The following HTR2A variants were observed in gnomAD, a reference collection of about 807,000 sequenced individuals.
HTR2A encodes 5-hydroxytryptamine receptor 2A.
A neutral mutation model predicts 31.0 loss-of-function variants in HTR2A; 14 were observed. The ratio of observed to expected loss-of-function variants is 0.45; its 90% confidence interval spans 0.30 to 0.71. HTR2A has a LOEUF of 0.71. HTR2A is among the 30% of genes least tolerant of loss of function. The pLI, the probability that HTR2A is intolerant of heterozygous loss-of-function variation, is 0.09. For synonymous variants in HTR2A, 209 were observed against 225.2 expected, an observed-to-expected ratio of 0.93 and a Z score of 0.64; for missense variants, 442 against 573.3, an observed-to-expected ratio of 0.77 and a Z score of 2.34.
At chr13:46,874,607 A>G (rs983879985) in intron 3 of HTR2A, among the ~76,000 whole-genome samples, 3 of 152,254 alleles carry the variant, frequency 2.0e-5, no homozygotes, top group African/African-American at 7.2e-5. Context: ...CATTGTATCT[A>G]GGAAGCATGT....
intron 3 of HTR2A, among the ~76,000 whole-genome samples, chr13:46,858,249 A>G (rs185085180): frequency 9.8e-5 from 15 of 152,286 alleles, no homozygotes; most frequent in Admixed American, 8.5e-4. Context: ...ATAGCCAAGC[A>G]GAGCTGCTTG....
chr13:46,847,821 C>A (rs971192096), intron 3 of HTR2A, among the ~76,000 whole-genome samples: 1 of 152,072 alleles, frequency 6.6e-6, no homozygotes, highest in Non-Finnish European at 1.5e-5. Context: ...CTCTGGGATT[C>A]GGATAAAAAT....
rs1555298355 is a variant in HTR2A at position 46,863,657 on chromosome 13, A to AAAAG, written c.614-28019_614-28018insCTTT. 9.8e-4 allele frequency among the ~76,000 whole-genome samples: 116 copies of AAAAG among 118,156 alleles called. 9 individuals are homozygous for AAAAG. Among genetic ancestry groups the AAAAG allele is most frequent in the Middle Eastern group, 4.5e-3 (1 of 224 alleles). The allele number at this position is 118,156 out of a possible 152,430, so 77.5% of individuals were successfully genotyped here. ...AAAAAAAAAAAAAAAAAAGAAAAAA[A>AAAAG]AAAAAGACAGTCATATGAAAAAAGC... On this transcript the variant is annotated intron_variant, in intron 3 of 3. Coordinates refer to ENST00000542664, the MANE Select transcript of HTR2A (RefSeq NM_000621.5).
rs548830784 is a variant in HTR2A, at chr13:46,890,283, C to T, written c.613+2107G>A. 7.2e-5 allele frequency among the ~76,000 whole-genome samples: 11 copies of T among 152,322 alleles called. No individual in the cohort carries two copies. The South Asian group carries it at 1.2e-3, about 17-fold the overall frequency. On this transcript the variant is annotated intron_variant, in intron 3 of 3. Coordinates refer to ENST00000542664, the MANE Select transcript of HTR2A (RefSeq NM_000621.5). ...GCTTGAATGCGGGAGGCGGAGGTTG[C>T]GGTGAGCCAAGATAGCACCATTGCA...
At chr13:46,888,108 C>G (rs1593444965) in intron 3 of HTR2A, among the ~76,000 whole-genome samples, 1 of 150,538 alleles carries the variant, frequency 6.6e-6, no homozygotes, top group East Asian at 1.9e-4. Flanking sequence ...TGTAGAAGTG[C>G]TTGAGTTATA....
chr13:46,866,674 C>G (rs1269854181), intron 3 of HTR2A, among the ~76,000 whole-genome samples: 1 of 152,188 alleles, frequency 6.6e-6, no homozygotes, highest in East Asian at 1.9e-4. Context: ...ATGGAATTTA[C>G]ATTTTCAGCA....
intron 3 of HTR2A, among the ~76,000 whole-genome samples, chr13:46,884,740 A>G (rs1312753665): frequency 2.0e-5 from 3 of 152,194 alleles, no homozygotes; most frequent in Admixed American, 2.0e-4. Context: ...CAATCCTGCC[A>G]TTCTTTCTAA....
intron 3 of HTR2A, among the ~76,000 whole-genome samples, chr13:46,869,405 T>C (rs557276956): frequency 9.1e-4 from 138 of 152,144 alleles, no homozygotes; most frequent in Non-Finnish European, 1.8e-3. Flanking sequence ...CATACTATGA[T>C]GGCTATAACA....
chr13:46,881,812 C>A (rs1950966279), intron 3 of HTR2A, among the ~76,000 whole-genome samples: 1 of 152,150 alleles, frequency 6.6e-6, no homozygotes, highest in Non-Finnish European at 1.5e-5. Context: ...GGCTGTGGGG[C>A]TGGGAATGTC....
chr13:46,893,259 G>A (rs1484858027), intron 2 of HTR2A, among the ~76,000 whole-genome samples: 1 of 152,162 alleles, frequency 6.6e-6, no homozygotes, highest in Non-Finnish European at 1.5e-5. Context: ...TTTGTTTTAG[G>A]GAGGCATTTC....
intron 3 of HTR2A, among the ~76,000 whole-genome samples, chr13:46,865,983 A>G (rs982518328): frequency 1.3e-5 from 2 of 152,138 alleles, no homozygotes; most frequent in Non-Finnish European, 2.9e-5. Flanking sequence ...CTCTCCAGCC[A>G]TCTCATGAGA....
chr13:46,839,835 C>G (rs141577620), intron 3 of HTR2A, among the ~76,000 whole-genome samples: 1 of 152,164 alleles, frequency 6.6e-6, no homozygotes, highest in African/African-American at 2.4e-5. Flanking sequence ...AAACTTTGCA[C>G]CTCTAGTTAA....
At chr13:46,852,488 G>A (rs961929788) in intron 3 of HTR2A, among the ~76,000 whole-genome samples, 2 of 152,240 alleles carry the variant, frequency 1.3e-5, no homozygotes, top group African/African-American at 4.8e-5. Flanking sequence ...TGTGTTTGGA[G>A]TGGCATTCGC....
At chr13:46,838,993 C>CAT (rs1191796428) in intron 3 of HTR2A, among the ~76,000 whole-genome samples, 1 of 151,902 alleles carries the variant, frequency 6.6e-6, no homozygotes, top group Non-Finnish European at 1.5e-5. Context: ...CACACACACA[C>CAT]ACACACACAC....
At chr13:46,884,580 C>T (rs536499367) in intron 3 of HTR2A, among the ~76,000 whole-genome samples, 7 of 152,252 alleles carry the variant, frequency 4.6e-5, no homozygotes, top group East Asian at 3.9e-4. Flanking sequence ...AGGAGAATGG[C>T]GTGAACCTGG....
At chr13:46,894,420 A>G (rs192547616) in intron 2 of HTR2A, among the ~76,000 whole-genome samples, 1 of 152,322 alleles carries the variant, frequency 6.6e-6, no homozygotes, top group East Asian at 1.9e-4. Flanking sequence ...AAATTAAATG[A>G]AATCATTCCG....
rs1215391625 is a variant in HTR2A at position 46,895,627 on chromosome 13, G to A, written c.280C>T (p.Leu94Phe). The change falls in exon 2 of 4, where the codon CTC becomes TTC. Residue 94 changes from leucine (L) to phenylalanine (F), a missense_variant. Leu to Phe is a conservative substitution (Grantham distance 22). Coordinates refer to ENST00000542664, the MANE Select transcript of HTR2A (RefSeq NM_000621.5). This position sits in a 1 kb window ranked among gnomAD's most constrained non-coding sequence, Gnocchi z 4.4. ...VIILTIAGNI[L>F]VIMAVSLEKK... ...TCTAGGGACACTGCCATGATGACGA[G>A]TATGTTTCCAGCAATAGTTAGAATA... The A allele has an allele frequency of 6.2e-7, 1 of 1,614,084 alleles. No individual in the cohort carries two copies. The highest frequency in any genetic ancestry group is 2.2e-5 in the East Asian group (1 of 44,888).
chr13:46,847,650 T>A (rs868650968), intron 3 of HTR2A, among the ~76,000 whole-genome samples: 1 of 152,218 alleles, frequency 6.6e-6, no homozygotes, highest in East Asian at 1.9e-4. Flanking sequence ...TTTATTTCCA[T>A]CTCTTATGGA....
At chr13:46,856,787 A>G (rs1950741569) in intron 3 of HTR2A, among the ~76,000 whole-genome samples, 1 of 152,164 alleles carries the variant, frequency 6.6e-6, no homozygotes, top group African/African-American at 2.4e-5. Context: ...GTGAATATCT[A>G]CTAAGTGCCA....
Sources: gnomAD v4.1 joint callset for allele counts (sites outside exome capture counted in the v4.1 genomes callset) on GRCh38, gnomAD v4.1.1 for gene constraint, Gnocchi (gnomAD v3.1) non-coding constraint, MANE v1.5 for transcripts, NCBI Gene and HGNC (gene_info 2026-07-23, HGNC 2026-07-21) for gene names.